RORB: variants seen among roughly 807,000 people sequenced by gnomAD.
RORB encodes the protein nuclear receptor ROR-beta.
A neutral mutation model predicts 59.1 loss-of-function variants in RORB; 6 were observed. The ratio of observed to expected loss-of-function variants is 0.10; its 90% CI spans 0.06 to 0.20. RORB has a LOEUF of 0.20. Ranked by LOEUF, RORB falls within the 10% of genes least tolerant of loss-of-function variation. The probability of loss-of-function intolerance (pLI) is 1.00; values close to 1 mark genes in which losing one functional copy is unlikely to be tolerated. For missense variants in RORB, 320 were observed against 560.5 expected (o/e 0.57, Z 4.33); for synonymous variants, 215 against 204.5 (o/e 1.05, Z -0.44).
At chr9:74,682,703 G>A (rs1312540280) in intron 9 of RORB, among the ~76,000 whole-genome samples, 1 of 152,138 alleles carries the variant, frequency 6.6e-6, no homozygotes, top group African/African-American at 2.4e-5. Flanking sequence ...CCGAAAAGCA[G>A]CTAATTCTAC....
At chr9:74,661,978 A>G (rs557089425) in intron 5 of RORB, among the ~76,000 whole-genome samples, 1 of 152,188 alleles carries the variant, frequency 6.6e-6, no homozygotes, top group South Asian at 2.1e-4. Flanking sequence ...AACACTCTCC[A>G]TAGGTCTGGG....
intron 1 of RORB, among the ~76,000 whole-genome samples, chr9:74,571,154 G>T (rs1587364230): frequency 6.6e-6 from 1 of 152,002 alleles, no homozygotes; most frequent in Admixed American, 6.6e-5. Context: ...AGCAGAGTCA[G>T]AGCATTTCCT....
intron 1 of RORB, among the ~76,000 whole-genome samples, chr9:74,565,539 G>C (rs182353445): frequency 2.0e-5 from 3 of 152,078 alleles, no homozygotes; most frequent in Non-Finnish European, 4.4e-5. Context: ...AAGTGGTTTT[G>C]TTTACTTTTA....
chr9:74,665,637 A>T (rs747782336), intron 7 of RORB, 42 bp downstream of exon 7: 2 of 1,231,138 alleles, frequency 1.6e-6, no homozygotes, highest in South Asian at 2.5e-5. Flanking sequence ...ATTAGCCACC[A>T]TCAGTTTCTC....
At chr9:74,510,085 T>G (rs1342841338) in intron 1 of RORB, among the ~76,000 whole-genome samples, 2 of 152,118 alleles carry the variant, frequency 1.3e-5, no homozygotes, top group Non-Finnish European at 2.9e-5. Context: ...GCCTCTTTAA[T>G]GTAAACTGTA....
At chr9:74,535,036 G>A (rs1247742537) in intron 1 of RORB, among the ~76,000 whole-genome samples, 4 of 151,994 alleles carry the variant, frequency 2.6e-5, no homozygotes, top group African/African-American at 7.2e-5. Context: ...AGTCAGTCAC[G>A]CATAAGTTGT....
intron 1 of RORB, among the ~76,000 whole-genome samples, chr9:74,562,052 G>A (rs576300297): frequency 1.3e-5 from 2 of 152,256 alleles, no homozygotes; most frequent in East Asian, 3.9e-4. Flanking sequence ...CTATATCAGA[G>A]GATGGTGCAT....
intron 1 of RORB, among the ~76,000 whole-genome samples, chr9:74,548,483 T>C (rs913402781): frequency 6.6e-6 from 1 of 152,242 alleles, no homozygotes; most frequent in African/African-American, 2.4e-5. Context: ...CTTTATCCCA[T>C]GGAATTCACT....
intron 2 of RORB, among the ~76,000 whole-genome samples, chr9:74,632,529 T>C (rs1057200817): frequency 2.6e-5 from 4 of 152,208 alleles, no homozygotes; most frequent in Non-Finnish European, 2.9e-5. Context: ...TGTGCACTTA[T>C]TCAAATTTCT....
At chr9:74,516,256 C>T (rs1205796114) in intron 1 of RORB, among the ~76,000 whole-genome samples, 3 of 151,976 alleles carry the variant, frequency 2.0e-5, no homozygotes, top group African/African-American at 7.2e-5. Flanking sequence ...GATATTTAGC[C>T]CTCATTAAGT....
At chr9:74,668,973 G>A (rs1327837) in intron 8 of RORB, among the ~76,000 whole-genome samples, 67,032 of 151,934 alleles carry the variant, frequency 0.44, 16,112 homozygotes, top group East Asian at 0.68. Flanking sequence ...ACATTCTGGT[G>A]CCAGCTCTGT....
At chr9:74,555,296 TG>T (rs1183198974) in intron 1 of RORB, among the ~76,000 whole-genome samples, 2 of 152,214 alleles carry the variant, frequency 1.3e-5, no homozygotes, top group Admixed American at 6.5e-5. Flanking sequence ...TGTACCACAG[TG>T]GGGACCTTTG....
intron 1 of RORB, among the ~76,000 whole-genome samples, chr9:74,521,349 A>G (rs1001368587): frequency 1.3e-5 from 2 of 151,778 alleles, no homozygotes; most frequent in African/African-American, 4.8e-5. Context: ...AATTAACTAA[A>G]GTGTTTCTTT....
chr9:74,599,946 G>A (rs143829229), intron 1 of RORB, among the ~76,000 whole-genome samples: 51 of 152,318 alleles, frequency 3.3e-4, no homozygotes, highest in African/African-American at 1.2e-3. Context: ...ACTAGCACTA[G>A]ACAAATTATG....
intron 1 of RORB, among the ~76,000 whole-genome samples, chr9:74,509,346 T>C (rs1825905500): frequency 6.6e-6 from 1 of 152,100 alleles, no homozygotes. Context: ...GTTCCAAATA[T>C]TTAATTTTAT....
At chr9:74,533,405 T>C (rs1266792096) in intron 1 of RORB, among the ~76,000 whole-genome samples, 1 of 152,044 alleles carries the variant, frequency 6.6e-6, no homozygotes, top group Admixed American at 6.6e-5. Context: ...TAAAATGTCC[T>C]GAAAAATTAC....
At chr9:74,571,286 A>G (rs1822546943) in intron 1 of RORB, among the ~76,000 whole-genome samples, 1 of 151,862 alleles carries the variant, frequency 6.6e-6, no homozygotes, top group Admixed American at 6.6e-5. Context: ...CAAATTCTAG[A>G]CCTCTTTTAG....
intron 1 of RORB, among the ~76,000 whole-genome samples, chr9:74,595,589 G>A (rs541625181): frequency 6.6e-6 from 1 of 152,300 alleles, no homozygotes; most frequent in South Asian, 2.1e-4. Flanking sequence ...GATTTCAGGT[G>A]GAGCAATTGA....
intron 1 of RORB, among the ~76,000 whole-genome samples, chr9:74,620,899 A>T (rs1483124101): frequency 6.6e-6 from 1 of 151,978 alleles, no homozygotes; most frequent in Non-Finnish European, 1.5e-5. Context: ...TCTTTGCTGG[A>T]CCCTCTCAGA....
Sources: allele counts gnomAD v4.1 joint callset (sites outside exome capture counted in the v4.1 genomes callset), GRCh38; gene constraint gnomAD v4.1.1; transcripts MANE v1.5; gene names NCBI Gene and HGNC (gene_info 2026-07-23, HGNC 2026-07-21).